The following SEM1 variants were observed in gnomAD, a reference collection of about 807,000 sequenced individuals.
SEM1 encodes the protein 26S proteasome complex subunit SEM1.
Under a neutral mutation model 12.7 loss-of-function variants are expected in SEM1, and 3 were observed. The observed-to-expected ratio is 0.24, with a 90% confidence interval of 0.11 to 0.61. The LOEUF is 0.61. SEM1 is among the 20% of genes least tolerant of loss of function. The probability of loss-of-function intolerance (pLI) is 0.88; values close to 1 mark genes in which losing one functional copy is unlikely to be tolerated. For synonymous variants in SEM1, 30 were observed against 27.8 expected (o/e 1.08, Z -0.25); for missense variants, 59 against 81.3 (o/e 0.73, Z 1.06).
At chr7:96,563,057 T>A (rs10273921) in intron 2 of SEM1, among the ~76,000 whole-genome samples, 3,233 of 152,032 alleles carry the variant, frequency 0.021, 97 homozygotes, top group African/African-American at 0.075. Context: ...ATTAAGAGGG[T>A]CAAGATTCAA....
intron 1 of SEM1, among the ~76,000 whole-genome samples, chr7:96,489,410 A>G (rs944471341): frequency 2.0e-5 from 3 of 152,130 alleles, no homozygotes; most frequent in Admixed American, 2.0e-4. Context: ...TTTCATTTGT[A>G]ATAAGTTCCC....
intron 1 of SEM1, among the ~76,000 whole-genome samples, chr7:96,494,698 C>G (rs1016428161): frequency 2.8e-4 from 43 of 151,390 alleles, no homozygotes; most frequent in Non-Finnish European, 5.4e-4. Context: ...TACAAAAACT[C>G]AGAGAGATAA....
At chr7:96,672,759 A>G (rs1341576226), downstream of SEM1, 1 of 152,226 alleles carries the variant, frequency 6.6e-6, no homozygotes, top group African/African-American at 2.4e-5. Flanking sequence ...GCAAGATGCA[A>G]TAACACTTCC....
At chr7:96,630,127 C>T (rs1165304915) in intron 2 of SEM1, among the ~76,000 whole-genome samples, 1 of 152,212 alleles carries the variant, frequency 6.6e-6, no homozygotes, top group Non-Finnish European at 1.5e-5. Flanking sequence ...CATAACCAGT[C>T]CTTGGCTGCA....
At chr7:96,601,504 G>A (rs1807199729) in intron 2 of SEM1, among the ~76,000 whole-genome samples, 1 of 152,106 alleles carries the variant, frequency 6.6e-6, no homozygotes, top group South Asian at 2.1e-4. Context: ...CCAGTGCCCA[G>A]TCTCTAAGGT....
At chr7:96,697,781 T>A (rs546723178) in intron 1 of SEM1, among the ~76,000 whole-genome samples, 75 of 152,288 alleles carry the variant, frequency 4.9e-4, no homozygotes, top group Non-Finnish European at 9.3e-4. Context: ...ACTATACTCA[T>A]GAGTATGATA....
exon 3 of SEM1, chr7:96,673,613 G>A: frequency 1.6e-6 from 1 of 630,106 alleles, no homozygotes; most frequent in East Asian, 2.7e-5. Flanking sequence ...CTCTTTGCCT[G>A]AAATGCTGTA....
At chr7:96,702,094 G>C (rs1288327129) in intron 1 of SEM1, among the ~76,000 whole-genome samples, 1 of 152,052 alleles carries the variant, frequency 6.6e-6, no homozygotes, top group African/African-American at 2.4e-5. Flanking sequence ...GTTAGGAAGG[G>C]GGATGACCAA....
intron 2 of SEM1, among the ~76,000 whole-genome samples, chr7:96,681,728 T>C (rs1789619443): frequency 6.6e-6 from 1 of 152,188 alleles, no homozygotes; most frequent in Non-Finnish European, 1.5e-5. Flanking sequence ...GCCTCTGTTC[T>C]GTTCCATTGG....
chr7:96,518,517 C>A (rs1209047872), intron 2 of SEM1, among the ~76,000 whole-genome samples: 1 of 152,090 alleles, frequency 6.6e-6, no homozygotes, highest in African/African-American at 2.4e-5. Flanking sequence ...CTGATGTGAC[C>A]ATTTGGTCCA....
At chr7:96,591,446 A>G (rs1272743257) in intron 2 of SEM1, among the ~76,000 whole-genome samples, 2 of 152,228 alleles carry the variant, frequency 1.3e-5, no homozygotes, top group African/African-American at 2.4e-5. Context: ...CTTCCCTTGA[A>G]TTAATATATT....
At chr7:96,700,400 G>A (rs750725901) in intron 1 of SEM1, among the ~76,000 whole-genome samples, 7 of 152,120 alleles carry the variant, frequency 4.6e-5, no homozygotes, top group East Asian at 1.9e-4. Context: ...CGGTATACTC[G>A]GGGTACTTGT....
intron 1 of SEM1, among the ~76,000 whole-genome samples, chr7:96,706,616 A>C (rs1179768002): frequency 6.6e-6 from 1 of 151,596 alleles, no homozygotes; most frequent in African/African-American, 2.4e-5. Flanking sequence ...AGAAACAATA[A>C]AAATTCCCTT....
intron 2 of SEM1, among the ~76,000 whole-genome samples, chr7:96,628,391 AT>A (rs1028270549): frequency 1.7e-4 from 26 of 151,488 alleles, no homozygotes; most frequent in Middle Eastern, 3.2e-3. Flanking sequence ...CTTGCTTTTT[AT>A]TTTTTTGTAG....
intron 2 of SEM1, among the ~76,000 whole-genome samples, chr7:96,633,675 AC>A (rs1165076058): frequency 6.6e-6 from 1 of 152,126 alleles, no homozygotes; most frequent in African/African-American, 2.4e-5. Flanking sequence ...TCTATCTAAA[AC>A]CAGCATTTAA....
At chr7:96,504,404 T>C (rs1803679192) in intron 3 of SEM1, among the ~76,000 whole-genome samples, 1 of 152,140 alleles carries the variant, frequency 6.6e-6, no homozygotes, top group Admixed American at 6.6e-5. Flanking sequence ...CTTTTTAATA[T>C]GGAAAATTTC....
At chr7:96,597,409 A>G (rs569223475) in intron 2 of SEM1, among the ~76,000 whole-genome samples, 2 of 152,212 alleles carry the variant, frequency 1.3e-5, no homozygotes, top group South Asian at 4.1e-4. Flanking sequence ...AAATGCCCTT[A>G]AGAAGATTAT....
chr7:96,482,791 A>C (rs765975378), exon 4 of SEM1: 2 of 152,222 alleles, frequency 1.3e-5, no homozygotes, highest in Non-Finnish European at 2.9e-5. Context: ...AGATCCAGAA[A>C]TATAGCCGAG....
chr7:96,629,556 T>C (rs1347600095), intron 2 of SEM1, among the ~76,000 whole-genome samples: 1 of 152,154 alleles, frequency 6.6e-6, no homozygotes, highest in Non-Finnish European at 1.5e-5. Context: ...TCTTGATTTT[T>C]CTTTGAGTCT....
Sources: allele counts gnomAD v4.1 joint callset (sites outside exome capture counted in the v4.1 genomes callset), GRCh38; gene constraint gnomAD v4.1.1; transcripts MANE v1.5; gene names NCBI Gene and HGNC (gene_info 2026-07-23, HGNC 2026-07-21).